RAB3B: variants seen among roughly 807,000 people sequenced by gnomAD.
RAB3B encodes the protein RAB3B, member RAS oncogene family, also known as ras-related protein Rab-3B.
In RAB3B, 11 loss-of-function variants were observed where a neutral mutation model predicts 20.5. The observed-to-expected ratio is 0.54, with a 90% CI of 0.34 to 0.89. The LOEUF (loss-of-function observed/expected upper bound fraction) is 0.89. Ranked by LOEUF, RAB3B falls within the 40% of genes least tolerant of loss-of-function variation. The pLI is 0.02. For missense variants in RAB3B, 225 were observed against 280.9 expected, an observed-to-expected ratio of 0.80 and a Z score of 1.42; for synonymous variants, 99 against 106.3, an observed-to-expected ratio of 0.93 and a Z score of 0.42.
chr1:51,974,551 A>G (rs1012509690), intron 2 of RAB3B, among the ~76,000 whole-genome samples: 3 of 152,214 alleles, frequency 2.0e-5, no homozygotes, highest in Non-Finnish European at 4.4e-5. Flanking sequence ...TTTAATAGAG[A>G]GCAAATGAAC....
At chr1:51,961,782 A>ATTTTTT (rs1158419911) in intron 2 of RAB3B, among the ~76,000 whole-genome samples, 5 of 151,570 alleles carry the variant, frequency 3.3e-5, no homozygotes, top group African/African-American at 1.2e-4. Context: ...TTTTATTTTT[A>ATTTTTT]TTTTTTTTGA....
rs759373332 is a variant in RAB3B, at chr1:51,933,307, C to T, written c.472+11G>A. On this transcript the variant is annotated intron_variant, in intron 4 of 4. Transcript: ENST00000371655. ...AATGCACACATGCACATACATGTGT[C>T]ATGTACATACCAAGCTGCTCTGCAA... 7 of 1,613,272 alleles carry T rather than the reference C, an allele frequency of 4.3e-6. No homozygotes were observed. In the Admixed American group the frequency reaches 1.0e-4, roughly 23 times the overall value.
chr1:51,965,874 GGGCAACT>G (rs1024112796), intron 2 of RAB3B, among the ~76,000 whole-genome samples: 32 of 152,194 alleles, frequency 2.1e-4, no homozygotes, highest in Non-Finnish European at 4.6e-4. Context: ...GTTAACATTA[GGGCAACT>G]GGGCAAAGGA....
intron 1 of RAB3B, among the ~76,000 whole-genome samples, chr1:51,981,799 T>C (rs1251482676): frequency 5.9e-5 from 9 of 152,140 alleles, no homozygotes; most frequent in Admixed American, 5.9e-4. Context: ...GCACAACACA[T>C]TACTCACATA....
intron 4 of RAB3B, among the ~76,000 whole-genome samples, chr1:51,925,606 T>C (rs1201475234): frequency 2.6e-5 from 4 of 152,226 alleles, no homozygotes; most frequent in Non-Finnish European, 5.9e-5. Flanking sequence ...CCATTGCTCA[T>C]GTTATTAATC....
intron 3 of RAB3B, among the ~76,000 whole-genome samples, chr1:51,936,927 C>T (rs904882219): frequency 6.6e-6 from 1 of 152,104 alleles, no homozygotes; most frequent in African/African-American, 2.4e-5. Flanking sequence ...AATTCTCCTG[C>T]CTTAGCCTCC....
chr1:51,934,250 G>A (rs1684365273), intron 3 of RAB3B, among the ~76,000 whole-genome samples: 1 of 151,870 alleles, frequency 6.6e-6, no homozygotes, highest in Non-Finnish European at 1.5e-5. Flanking sequence ...TTGTGCTTTT[G>A]CCTACACTGG....
intron 2 of RAB3B, among the ~76,000 whole-genome samples, chr1:51,941,325 A>G (rs1329936791): frequency 6.6e-6 from 1 of 152,130 alleles, no homozygotes; most frequent in Non-Finnish European, 1.5e-5. Flanking sequence ...AAGATCAAAG[A>G]TTTTGAGCCA....
intron 2 of RAB3B, among the ~76,000 whole-genome samples, chr1:51,945,097 C>G (rs530899342): frequency 1.3e-5 from 2 of 152,338 alleles, no homozygotes; most frequent in Non-Finnish European, 1.5e-5. Flanking sequence ...AACATCAAGG[C>G]AAGACCCTCC....
chr1:51,926,399 T>G (rs1030532355), intron 4 of RAB3B, among the ~76,000 whole-genome samples: 1 of 152,176 alleles, frequency 6.6e-6, no homozygotes, highest in Non-Finnish European at 1.5e-5. Context: ...GTCTCCCCAC[T>G]CCATTGACAT....
rs1684045382 is a variant in RAB3B at position 51,913,936 on chromosome 1, G to A, written c.*5991C>T. 6.6e-6 allele frequency: 1 copy of A among 152,246 alleles called. No homozygotes were observed. The highest frequency in any genetic ancestry group is 2.4e-5 in the African/African-American group (1 of 41,426). 9.4% of individuals were successfully genotyped at this position (152,246 alleles called of 1,614,324 possible). On this transcript the variant is annotated 3_prime_UTR_variant, in exon 5 of 5. Transcript: ENST00000371655. ...GCTACCATATGGACAAATCTGGGCA[G>A]CCTTCTGGAGGATGACACCACAGGG... is the stretch of plus-strand genomic sequence containing the variant.
intron 2 of RAB3B, among the ~76,000 whole-genome samples, chr1:51,959,018 C>G (rs1348701382): frequency 6.6e-6 from 1 of 152,206 alleles, no homozygotes; most frequent in Non-Finnish European, 1.5e-5. Context: ...AGACCCGAGT[C>G]AGACCCGGTC....
intron 2 of RAB3B, among the ~76,000 whole-genome samples, chr1:51,956,585 T>C (rs1377126502): frequency 6.6e-6 from 1 of 152,334 alleles, no homozygotes. Flanking sequence ...GACAACTCCA[T>C]AGGCCCCAAA....
Position 51,953,328 on chromosome 1 carries a change from G to C in RAB3B, c.229-15916C>G, listed in dbSNP as rs533242794. Among the ~76,000 whole-genome samples the C allele has an allele frequency of 7.2e-5, 11 of 152,282 alleles. No homozygotes were observed. The East Asian group carries it at 2.1e-3, about 29-fold the overall frequency. On this transcript the variant is annotated intron_variant, in intron 2 of 4. Coordinates refer to ENST00000371655, the MANE Select transcript of RAB3B (RefSeq NM_002867.4). ...ACTCACCCAACTCCCCTTTGAGACA[G>C]GAAAATGTGGGGAGAGAAGTGAGGT...
At chr1:51,966,564 A>G (rs1684854521) in intron 2 of RAB3B, among the ~76,000 whole-genome samples, 1 of 152,152 alleles carries the variant, frequency 6.6e-6, no homozygotes, top group African/African-American at 2.4e-5. Flanking sequence ...AATTCATTTG[A>G]AAATTACAGA....
intron 1 of RAB3B, among the ~76,000 whole-genome samples, chr1:51,984,267 A>T (rs1287595052): frequency 1.3e-5 from 1 of 79,080 alleles, no homozygotes; most frequent in East Asian, 3.0e-4. Context: ...TCTAATTAAA[A>T]AAAAAAAAAA....
chr1:51,929,351 G>T (rs1684291878), intron 4 of RAB3B, among the ~76,000 whole-genome samples: 1 of 150,180 alleles, frequency 6.7e-6, no homozygotes, highest in African/African-American at 2.4e-5. Context: ...TTTTTGAGAT[G>T]GAGTCTTGCT....
chr1:51,987,629 A>G (rs1685168917), intron 1 of RAB3B, among the ~76,000 whole-genome samples: 1 of 152,202 alleles, frequency 6.6e-6, no homozygotes, highest in Non-Finnish European at 1.5e-5. Context: ...AAGAAATGTT[A>G]CATGATTAAG....
At position 51,953,027 on chromosome 1, in the gene RAB3B, A is replaced by G. The variant is rs80152049; in HGVS notation, c.229-15615T>C. On this transcript the variant is annotated intron_variant, in intron 2 of 4. Transcript: ENST00000371655. Reference sequence around the variant, plus strand: ...ACATGTATATGGTTGACTATTAATTATGACCTATTTCATTTGTGTCTTCTC... The same window carrying G: ...ACATGTATATGGTTGACTATTAATTGTGACCTATTTCATTTGTGTCTTCTC... 2.4e-4 allele frequency among the ~76,000 whole-genome samples: 37 copies of G among 152,302 alleles called. No individual in the cohort carries two copies. In the East Asian group the frequency reaches 6.9e-3, roughly 29 times the overall value.
Sources: gnomAD v4.1 joint callset for allele counts (sites outside exome capture counted in the v4.1 genomes callset) on GRCh38, gnomAD v4.1.1 for gene constraint, MANE v1.5 for transcripts, NCBI Gene and HGNC (gene_info 2026-07-23, HGNC 2026-07-21) for gene names.